The following NIP7 variants were observed in gnomAD, a reference collection of about 807,000 sequenced individuals.
NIP7 encodes the protein nucleolar pre-rRNA processing protein NIP7.
A neutral mutation model predicts 20.1 loss-of-function variants in NIP7; 12 were observed. The observed-to-expected ratio is 0.60, with a 90% confidence interval of 0.38 to 0.97. NIP7 has a LOEUF of 0.97. NIP7 is among the 50% of genes least tolerant of loss of function. NIP7 has a pLI of 0.00. For synonymous variants in NIP7, 103 were observed against 87.2 expected, an observed-to-expected ratio of 1.18 and a Z score of -1.01; for missense variants, 226 against 226.6, an observed-to-expected ratio of 1.00 and a Z score of 0.02.
Position 69,339,990 on chromosome 16 carries a change from C to G in NIP7, c.57-16C>G, listed in dbSNP as rs2012463343. 6.2e-7 allele frequency: 1 copy of G among 1,613,496 alleles called. No individual in the cohort carries two copies. The highest frequency in any genetic ancestry group is 1.3e-5 in the African/African-American group (1 of 74,528). ...GTTCGTTCGGGCGCGGTCTCCAGTC[C>G]TCTTTTTGCCCTCAGCATTGGGGAG... On this transcript the variant is annotated splice_polypyrimidine_tract_variant and intron_variant, in intron 1 of 4. Coordinates refer to ENST00000254940, the MANE Select transcript of NIP7 (RefSeq NM_016101.5).
chr16:69,342,701 G>A lies in NIP7; in HGVS notation c.*1049G>A, dbSNP rs1319231222. 2 of 152,046 alleles carry A rather than the reference G, an allele frequency of 1.3e-5. No homozygotes were observed. The highest frequency in any genetic ancestry group is 4.8e-5 in the African/African-American group (2 of 41,418). 9.4% of individuals were successfully genotyped at this position (152,046 alleles called of 1,614,324 possible). A position where few individuals can be genotyped will look rare whatever the true frequency, so the allele number is the denominator to read the frequency against. On this transcript the variant is annotated 3_prime_UTR_variant, in exon 5 of 5. Transcript: ENST00000254940. Reference sequence around the variant, plus strand: ...ATATTATGTATTCCTGTTATTAAGTGTAGAGTTTTATGAGTATAATTTGAT... The same window carrying A: ...ATATTATGTATTCCTGTTATTAAGTATAGAGTTTTATGAGTATAATTTGAT...
At chr16:69,340,731 C>T (rs1351962976) in intron 3 of NIP7, 2 of 208,068 alleles carry the variant, frequency 9.6e-6, no homozygotes, top group Non-Finnish European at 9.8e-6. Flanking sequence ...ATTTCTCTTT[C>T]TCTTTCTTCC....
In NIP7 at chr16:69,341,852, A is replaced by G. The variant is rs2012566041; in HGVS notation, c.*200A>G. The G allele has an allele frequency of 2.0e-6, 1 of 496,918 alleles. No individual in the cohort carries two copies. The allele number at this position is 496,918 out of a possible 1,614,324, so 30.8% of individuals were successfully genotyped here. On this transcript the variant is annotated 3_prime_UTR_variant, in exon 5 of 5. Transcript: ENST00000254940. Reference sequence around the variant, plus strand: ...AGAGATGGCTCAAAAATGGGGTTTCAGATCTTTGTGACGAAATAGAATACT... The same window carrying G: ...AGAGATGGCTCAAAAATGGGGTTTCGGATCTTTGTGACGAAATAGAATACT...
chr16:69,340,497 G>A (rs1597228706), intron 3 of NIP7, 165 bp downstream of exon 3: 2 of 854,758 alleles, frequency 2.3e-6, no homozygotes, highest in African/African-American at 1.7e-5. Flanking sequence ...AGGGCTATGG[G>A]ATAGGAATGC....
In NIP7 at chr16:69,342,522, A is replaced by C. The variant is rs568950489; in HGVS notation, c.*870A>C. 1.1e-4 allele frequency: 16 copies of C among 152,204 alleles called. No individual in the cohort carries two copies. The highest frequency in any genetic ancestry group is 3.6e-4 in the African/African-American group (15 of 41,518). The allele number at this position is 152,204 out of a possible 1,614,324, so 9.4% of individuals were successfully genotyped here. A position where few individuals can be genotyped will look rare whatever the true frequency, so the allele number is the denominator to read the frequency against. On this transcript the variant is annotated 3_prime_UTR_variant, in exon 5 of 5. Transcript: ENST00000254940. ...GGCAGGAGAATGGCTTGAACTGGGG[A>C]AGCAGAGCTTGCAGTGAGCCAAGAT...
Position 69,341,251 on chromosome 16 carries a change from G to C in NIP7, c.354G>C (p.Leu118=), listed in dbSNP as rs181209119. 4 of 1,614,076 alleles carry C rather than the reference G, an allele frequency of 2.5e-6. No homozygotes were observed. The African/African-American group carries it at 4.0e-5, about 16-fold the overall frequency. Reference sequence around the variant, plus strand: ...GGAACCATGTGTTGAAATCTGGTCTGGGTCGAATCACTGAAAATACTTCTC... The same window carrying C: ...GGAACCATGTGTTGAAATCTGGTCTCGGTCGAATCACTGAAAATACTTCTC... ...LYGNHVLKSG[L]GRITENTSQY... The change falls in exon 4 of 5, where the codon CTG becomes CTC. Residue 118 remains leucine (L), a synonymous_variant. Coordinates refer to ENST00000254940, the MANE Select transcript of NIP7 (RefSeq NM_016101.5).
rs11540993 is a variant in NIP7 at position 69,340,067 on chromosome 16, C to G, written c.118C>G (p.His40Asp). Residue 40 changes from histidine (H) to aspartate (D), a missense_variant, in exon 2 of 5, where the codon CAC becomes GAC. By Grantham distance (81) the His-to-Asp change is moderately conservative. Coordinates refer to ENST00000254940, the MANE Select transcript of NIP7 (RefSeq NM_016101.5). ...CGATGGCACCTACTGTTTCCGTCTG[C>G]ACAACGACCGGGTGTACTATGTGAG... ...RPDGTYCFRLHNDRVYYVSEK... is the reference protein window; with the variant it reads ...RPDGTYCFRLDNDRVYYVSEK... 1.2e-6 allele frequency: 2 copies of G among 1,613,976 alleles called. No homozygotes were observed. Among genetic ancestry groups the G allele is most frequent in the Non-Finnish European group, 1.7e-6 (2 of 1,180,032 alleles).
chr16:69,341,174 T>C lies in NIP7; in HGVS notation c.283-6T>C, dbSNP rs1173895260. On this transcript the variant is annotated splice_region_variant and splice_polypyrimidine_tract_variant and intron_variant, in intron 3 of 4. Coordinates refer to ENST00000254940, the MANE Select transcript of NIP7 (RefSeq NM_016101.5). ...TTATGTCTCTTGGATTTTAATTCTC[T>C]TATAGTATAAAGTTTGGATAAAGCC... The C allele has an allele frequency of 1.2e-6, 2 of 1,610,588 alleles. No individual in the cohort carries two copies. The highest frequency in any genetic ancestry group is 1.7e-6 in the Non-Finnish European group (2 of 1,178,792).
At chr16:69,340,682 A>AT in intron 3 of NIP7, 1 of 264,812 alleles carries the variant, frequency 3.8e-6, no homozygotes, top group South Asian at 8.4e-5. Flanking sequence ...AACTTTTTCT[A>AT]TTTTTTTCTT....
rs1221745525 is a variant in NIP7, at chr16:69,341,263, T to A, written c.366T>A (p.Thr122=). The A allele has an allele frequency of 1.9e-6, 3 of 1,614,076 alleles. No homozygotes were observed. The highest frequency in any genetic ancestry group is 2.5e-6 in the Non-Finnish European group (3 of 1,180,036). Residue 122 remains threonine, a synonymous_variant, in exon 4 of 5, where the codon ACT becomes ACA. Transcript: ENST00000254940. ...HVLKSGLGRI[T]ENTSQYQGVV... ...TGAAATCTGGTCTGGGTCGAATCAC[T>A]GAAAATACTTCTCAGTACCAGGGCG... is the stretch of plus-strand genomic sequence containing the variant.
At position 69,340,248 on chromosome 16, in the gene NIP7, G is replaced by A. The variant is rs2012481256; in HGVS notation, c.198G>A (p.Leu66=). The change falls in exon 3 of 5, where the codon CTG becomes CTA. Residue 66 remains leucine, a synonymous_variant. Transcript: ENST00000254940. ...TTTCCGGGGACAAGCTGGTGTCGCT[G>A]GGGACCTGCTTTGGAAAATTCACTA... ...ANISGDKLVS[L]GTCFGKFTKT... 6.2e-7 allele frequency: 1 copy of A among 1,614,168 alleles called. No homozygotes were observed. Among genetic ancestry groups the A allele is most frequent in the Non-Finnish European group, 8.5e-7 (1 of 1,180,036 alleles).
intron 2 of NIP7, 24 bp from the exon 3 acceptor site, chr16:69,340,170 C>T: frequency 4.3e-6 from 7 of 1,613,490 alleles, no homozygotes; most frequent in Non-Finnish European, 5.9e-6. Context: ...CATCCGCAAC[C>T]TTGCTCCCCC....
In NIP7 at chr16:69,339,804, T is replaced by A; in HGVS notation, c.-26T>A. 2.0e-5 allele frequency: 32 copies of A among 1,612,008 alleles called. No homozygotes were observed. Among genetic ancestry groups the A allele is most frequent in the Non-Finnish European group, 2.6e-5 (31 of 1,179,782 alleles). On this transcript the variant is annotated 5_prime_UTR_variant, in exon 1 of 5. Coordinates refer to ENST00000254940, the MANE Select transcript of NIP7 (RefSeq NM_016101.5). ...GTTTCCAGTTACCAAGGCACGAGGA[T>A]CCGGTGTTCCAACCCAGGGGGAAAA... is the stretch of plus-strand genomic sequence containing the variant.
chr16:69,340,661 G>C (rs894204377), intron 3 of NIP7: 7 of 327,448 alleles, frequency 2.1e-5, no homozygotes, highest in Admixed American at 1.3e-4. Flanking sequence ...TCCTTGTAGA[G>C]TTGAGAAAAT....
intron 4 of NIP7, 39 bp downstream of exon 4, chr16:69,341,359 C>T (rs1356133203): frequency 1.2e-6 from 2 of 1,606,978 alleles, no homozygotes; most frequent in African/African-American, 1.3e-5. Context: ...CTCAAGTACT[C>T]TTATTCAAGA....
chr16:69,341,333 G>A lies in NIP7; in HGVS notation c.423+13G>A. On this transcript the variant is annotated intron_variant, in intron 4 of 4. Coordinates refer to ENST00000254940, the MANE Select transcript of NIP7 (RefSeq NM_016101.5). ...AGACATCCCTTTGGTGAGTAGAGAT[G>A]GTAGCTGTTACAGAACTCAAGTACT... The A allele has an allele frequency of 6.2e-7, 1 of 1,613,054 alleles. No individual in the cohort carries two copies. Among genetic ancestry groups the A allele is most frequent in the Non-Finnish European group, 8.5e-7 (1 of 1,179,556 alleles).
rs2012463919 is a variant in NIP7 at position 69,339,995 on chromosome 16, T to C, written c.57-11T>C. 1 of 1,613,342 alleles carries C rather than the reference T, an allele frequency of 6.2e-7. No individual in the cohort carries two copies. Among genetic ancestry groups the C allele is most frequent in the Non-Finnish European group, 8.5e-7 (1 of 1,179,984 alleles). ...TTCGGGCGCGGTCTCCAGTCCTCTTTTTGCCCTCAGCATTGGGGAGAATCT... is the reference window on the plus strand; with the variant it reads ...TTCGGGCGCGGTCTCCAGTCCTCTTCTTGCCCTCAGCATTGGGGAGAATCT... On this transcript the variant is annotated splice_polypyrimidine_tract_variant and intron_variant, in intron 1 of 4. Transcript: ENST00000254940.
intron 3 of NIP7, chr16:69,340,856 G>T (rs1030902642): frequency 1.2e-5 from 3 of 251,838 alleles, no homozygotes; most frequent in Non-Finnish European, 2.3e-5. Flanking sequence ...TTACAGGCAT[G>T]TGCCACCACA....
At position 69,340,000 on chromosome 16, in the gene NIP7, C is replaced by G. The variant is rs371588397; in HGVS notation, c.57-6C>G. The G allele has an allele frequency of 1.2e-6, 2 of 1,613,464 alleles. No homozygotes were observed. The highest frequency in any genetic ancestry group is 1.7e-6 in the Non-Finnish European group (2 of 1,179,998). On this transcript the variant is annotated splice_polypyrimidine_tract_variant and splice_region_variant and intron_variant, in intron 1 of 4. Coordinates refer to ENST00000254940, the MANE Select transcript of NIP7 (RefSeq NM_016101.5). Reference sequence around the variant, plus strand: ...GCGCGGTCTCCAGTCCTCTTTTTGCCCTCAGCATTGGGGAGAATCTTCAAC... The same window carrying G: ...GCGCGGTCTCCAGTCCTCTTTTTGCGCTCAGCATTGGGGAGAATCTTCAAC...
Sources: allele counts gnomAD v4.1 joint callset, GRCh38; gene constraint gnomAD v4.1.1; transcripts MANE v1.5; gene names NCBI Gene and HGNC (gene_info 2026-07-23, HGNC 2026-07-21).